Variants in MARCO observed in about 807,000 individuals in gnomAD.
MARCO encodes macrophage receptor with collagenous structure, also known as macrophage receptor MARCO.
Under a neutral mutation model 70.0 loss-of-function variants are expected in MARCO, and 72 were observed. That is an observed-to-expected ratio of 1.03 (90% CI 0.85 to 1.25). The LOEUF is 1.25. MARCO is among the 50% of genes most tolerant of loss of function. The pLI, the probability that MARCO is intolerant of heterozygous loss-of-function variation, is 0.00. For synonymous variants in MARCO, 273 were observed against 243.1 expected, an observed-to-expected ratio of 1.12 and a Z score of -1.14; for missense variants, 696 against 659.3, an observed-to-expected ratio of 1.06 and a Z score of -0.61.
chr2:118,993,418 C>T lies in MARCO; in HGVS notation c.1429+118C>T, dbSNP rs79502246. Reference sequence around the variant, plus strand: ...TTTCTTTAAAAGAAAAATATTGGTCCAAGCAACCAAAAAGCTCTGCAGTGC... The same window carrying T: ...TTTCTTTAAAAGAAAAATATTGGTCTAAGCAACCAAAAAGCTCTGCAGTGC... On this transcript the variant is annotated intron_variant, in intron 16 of 16. Transcript: ENST00000327097. 239 of 1,016,388 alleles carry T rather than the reference C, an allele frequency of 2.4e-4. 1 individual carries two copies. The African/African-American group carries it at 3.5e-3, about 15-fold the overall frequency. 63.0% of individuals were successfully genotyped at this position (1,016,388 alleles called of 1,614,324 possible). A position where few individuals can be genotyped will look rare whatever the true frequency, so the allele number is the denominator to read the frequency against.
chr2:118,969,629 T>C (rs1010550179), intron 2 of MARCO, among the ~76,000 whole-genome samples: 5 of 152,236 alleles, frequency 3.3e-5, no homozygotes, highest in African/African-American at 1.2e-4. Context: ...AACATGATTT[T>C]ACTTTTGAAG....
Position 118,942,201 on chromosome 2 carries a change from G to T in MARCO, c.-100G>T. On this transcript the variant is annotated 5_prime_UTR_variant, in exon 1 of 17. Transcript: ENST00000327097. ...GGAAGTGCTGCGAGGTTTACAACCA[G>T]CTGCAGTGGTTCGATGGGAAGGATC... 1 of 737,862 alleles carries T rather than the reference G, an allele frequency of 1.4e-6. No homozygotes were observed. Among genetic ancestry groups the T allele is most frequent in the East Asian group, 2.7e-5 (1 of 37,586 alleles). The allele number at this position is 737,862 out of a possible 1,614,324, so 45.7% of individuals were successfully genotyped here.
At chr2:118,990,514 T>C (rs1370141372) in intron 12 of MARCO, 75 bp from the exon 13 acceptor site, 1 of 1,421,812 alleles carries the variant, frequency 7.0e-7, no homozygotes, top group Admixed American at 1.7e-5. Flanking sequence ...AAGGTAGAGG[T>C]TGTCTAAGAT....
intron 1 of MARCO, among the ~76,000 whole-genome samples, chr2:118,954,194 C>T (rs1020872619): frequency 2.0e-5 from 3 of 152,208 alleles, no homozygotes; most frequent in African/African-American, 4.8e-5. Context: ...CTGTCTCCCC[C>T]TCCCCCTGGA....
intron 1 of MARCO, among the ~76,000 whole-genome samples, chr2:118,953,858 T>G (rs943522164): frequency 2.0e-5 from 3 of 152,044 alleles, no homozygotes; most frequent in African/African-American, 7.3e-5. Context: ...GCTGATCAAG[T>G]TAGAGAGCTG....
intron 1 of MARCO, among the ~76,000 whole-genome samples, chr2:118,945,256 T>G (rs982421841): frequency 1.3e-5 from 2 of 152,078 alleles, no homozygotes; most frequent in Non-Finnish European, 2.9e-5. Context: ...GTTTCTACCT[T>G]TTTGAAAATT....
At chr2:118,973,719 T>C (rs1233826154) in intron 4 of MARCO, among the ~76,000 whole-genome samples, 1 of 152,130 alleles carries the variant, frequency 6.6e-6, no homozygotes, top group Admixed American at 6.5e-5. Flanking sequence ...GGAACTGCCT[T>C]CCCACGCAGG....
chr2:118,993,092 C>T, intron 15 of MARCO, 32 bp from the exon 16 acceptor site: 1 of 1,609,862 alleles, frequency 6.2e-7, no homozygotes, highest in Non-Finnish European at 8.5e-7. Context: ...AGGGGCCTTC[C>T]TTGCCTCTCC....
At position 118,977,942 on chromosome 2, in the gene MARCO, G is replaced by A. The variant is rs368690099; in HGVS notation, c.766+7G>A. The A allele has an allele frequency of 3.1e-5, 49 of 1,579,600 alleles. No individual in the cohort carries two copies. Among genetic ancestry groups the A allele is most frequent in the African/African-American group, 1.5e-4 (11 of 74,108 alleles). On this transcript the variant is annotated splice_region_variant and intron_variant, in intron 8 of 16. Transcript: ENST00000327097. ...GGAGACCTGGGTCTCCCAGGTGAGG[G>A]CCGTATTGGGGGTGTCGGTGCTTGC...
intron 1 of MARCO, among the ~76,000 whole-genome samples, chr2:118,962,202 G>T (rs1284541124): frequency 3.3e-5 from 5 of 152,090 alleles, no homozygotes. Flanking sequence ...GGATATACAA[G>T]CTCTTTTTTG....
At chr2:118,986,758 G>GAAGA (rs762484068) in intron 12 of MARCO, among the ~76,000 whole-genome samples, 1 of 150,048 alleles carries the variant, frequency 6.7e-6, no homozygotes, top group African/African-American at 2.5e-5. Context: ...GAGAAAGAAA[G>GAAGA]AAGAAAGAAA....
At chr2:118,978,062 C>G in intron 8 of MARCO, 127 bp downstream of exon 8, 1 of 590,584 alleles carries the variant, frequency 1.7e-6, no homozygotes, top group Non-Finnish European at 3.1e-6. Flanking sequence ...ATGGGAATCT[C>G]TGGAGCACCA....
rs1573406683 is a variant in MARCO, at chr2:118,986,586, G to GAAGAAAGAAAGAAAGAAAGAAAGAAGGA, written c.1064-3978_1064-3977insGGAAAGAAAGAAAGAAAGAAAGAAAGAA. Among the ~76,000 whole-genome samples, 59 of 46,722 alleles carry GAAGAAAGAAAGAAAGAAAGAAAGAAGGA rather than the reference G, an allele frequency of 1.3e-3. 9 individuals are homozygous for GAAGAAAGAAAGAAAGAAAGAAAGAAGGA. The highest frequency in any genetic ancestry group is 6.5e-3 in the East Asian group (11 of 1,682). 30.7% of individuals were successfully genotyped at this position (46,722 alleles called of 152,430 possible). ...GGAGGGAGGGAGGGAGGGAAGGAAA[G>GAAGAAAGAAAGAAAGAAAGAAAGAAGGA]AAGAAAGAAAGAAAGAAAGAAAGAA... is the stretch of plus-strand genomic sequence containing the variant. On this transcript the variant is annotated intron_variant, in intron 12 of 16. Transcript: ENST00000327097.
Position 118,991,883 on chromosome 2 carries a change from CT to C in MARCO, c.1207+9del. Reference sequence around the variant, plus strand: ...GAGACCAGGGAGTGAAAGGTAAGGCCTCTGCATCTGATTCCTTTGTTCTTAG... The same window carrying C: ...GAGACCAGGGAGTGAAAGGTAAGGCCCTGCATCTGATTCCTTTGTTCTTAG... On this transcript the variant is annotated intron_variant, in intron 14 of 16. Transcript: ENST00000327097. 6.3e-7 allele frequency: 1 copy of C among 1,577,054 alleles called. No individual in the cohort carries two copies. The highest frequency in any genetic ancestry group is 8.6e-7 in the Non-Finnish European group (1 of 1,158,672).
chr2:118,971,998 C>T lies in MARCO; in HGVS notation c.460+464C>T, dbSNP rs538246992. Among the ~76,000 whole-genome samples, 6 of 152,316 alleles carry T rather than the reference C, an allele frequency of 3.9e-5. No individual in the cohort carries two copies. The South Asian group carries it at 1.2e-3, about 32-fold the overall frequency. On this transcript the variant is annotated intron_variant, in intron 4 of 16. Coordinates refer to ENST00000327097, the MANE Select transcript of MARCO (RefSeq NM_006770.4). Reference sequence around the variant, plus strand: ...GTCATGGAGGCGCAGGCTGTGCGGTCAGGCCGATCTGAGTTCTAATCCTGG... The same window carrying T: ...GTCATGGAGGCGCAGGCTGTGCGGTTAGGCCGATCTGAGTTCTAATCCTGG...
At chr2:118,987,384 C>T (rs1680537306) in intron 12 of MARCO, among the ~76,000 whole-genome samples, 1 of 152,186 alleles carries the variant, frequency 6.6e-6, no homozygotes, top group Non-Finnish European at 1.5e-5. Flanking sequence ...GTTCCTCCAT[C>T]GATTAGTCCA....
chr2:118,949,010 C>A (rs564585700), intron 1 of MARCO, among the ~76,000 whole-genome samples: 1 of 152,304 alleles, frequency 6.6e-6, no homozygotes, highest in African/African-American at 2.4e-5. Context: ...GACTTCACTG[C>A]ATCCTGTTAA....
intron 1 of MARCO, among the ~76,000 whole-genome samples, chr2:118,968,525 A>C (rs999340604): frequency 6.6e-6 from 1 of 152,324 alleles, no homozygotes; most frequent in Non-Finnish European, 1.5e-5. Context: ...GATGGGAGGA[A>C]GACCACACCC....
chr2:118,969,967 C>T (rs2104577252), intron 2 of MARCO, 147 bp from the exon 3 acceptor site: 1 of 667,406 alleles, frequency 1.5e-6, no homozygotes, highest in Non-Finnish European at 2.6e-6. Flanking sequence ...TAGAAAAGGC[C>T]GTGTGCTCAC....
Sources: allele counts gnomAD v4.1 joint callset (sites outside exome capture counted in the v4.1 genomes callset), GRCh38; gene constraint gnomAD v4.1.1; transcripts MANE v1.5; gene names NCBI Gene and HGNC (gene_info 2026-07-23, HGNC 2026-07-21).